The following ZBTB38 variants were observed in gnomAD, a reference collection of about 807,000 sequenced individuals.
ZBTB38 encodes the protein zinc finger and BTB domain containing 38.
Under a neutral mutation model 76.8 loss-of-function variants are expected in ZBTB38, and 20 were observed. The ratio of observed to expected loss-of-function variants is 0.26; its 90% CI spans 0.18 to 0.38. ZBTB38 has a LOEUF of 0.38. ZBTB38 is among the 10% of genes least tolerant of loss of function. ZBTB38 has a pLI of 1.00. For synonymous variants in ZBTB38, 504 were observed against 544.2 expected (o/e 0.93, Z 1.03); for missense variants, 1,082 against 1,482.3 (o/e 0.73, Z 4.43).
Position 141,449,082 on chromosome 3 carries a change from T to G in ZBTB38, c.*3106T>G, listed in dbSNP as rs1352473269. ...TTCATTAACACACACGCACCAGAAT[T>G]CGACCTCATTATCCTCGTTTTATAG... On this transcript the variant is annotated 3_prime_UTR_variant, in exon 6 of 6. Coordinates refer to ENST00000321464, the MANE Select transcript of ZBTB38 (RefSeq NM_001376113.1). 6.6e-6 allele frequency: 1 copy of G among 152,204 alleles called. No homozygotes were observed. The highest frequency in any genetic ancestry group is 1.5e-5 in the Non-Finnish European group (1 of 68,042). 9.4% of individuals were successfully genotyped at this position (152,204 alleles called of 1,614,324 possible). A position where few individuals can be genotyped will look rare whatever the true frequency, so the allele number is the denominator to read the frequency against.
chr3:141,355,591 C>G (rs1312835224), intron 1 of ZBTB38, among the ~76,000 whole-genome samples: 1 of 152,104 alleles, frequency 6.6e-6, no homozygotes, highest in African/African-American at 2.4e-5. Flanking sequence ...TCAGAGCGTA[C>G]AGTGTGCAGC....
In ZBTB38 at chr3:141,442,424, C is replaced by T. The variant is rs773460161; in HGVS notation, c.36C>T (p.Asp12=). The change falls in exon 6 of 6, where the codon GAC becomes GAT. Residue 12 remains aspartate (D), a synonymous_variant. Coordinates refer to ENST00000321464, the MANE Select transcript of ZBTB38 (RefSeq NM_001376113.1). The surrounding 1 kb of genome is among the most constrained non-coding windows in gnomAD (Gnocchi z 6.4). ...TGTCCCTTTCCAGGGACCTCAAGGA[C>T]GACTTTCACAGTGACACGGTACTCT... The part of the protein sequence containing the change: ...TVMSLSRDLK[D]DFHSDTVLSI... The T allele has an allele frequency of 7.7e-5, 125 of 1,613,786 alleles. 1 individual carries two copies. The Middle Eastern group carries it at 9.9e-4, about 13-fold the overall frequency.
At chr3:141,371,166 C>A (rs1458052309) in intron 2 of ZBTB38, among the ~76,000 whole-genome samples, 1 of 147,158 alleles carries the variant, frequency 6.8e-6, no homozygotes. Context: ...GATTCTACTG[C>A]CTCAGCCTCC....
intron 1 of ZBTB38, among the ~76,000 whole-genome samples, chr3:141,344,972 G>A (rs1306927969): frequency 6.6e-6 from 1 of 152,228 alleles, no homozygotes; most frequent in Admixed American, 6.5e-5. Flanking sequence ...AAGTCCTGCT[G>A]TTAATCCTAG....
intron 1 of ZBTB38, among the ~76,000 whole-genome samples, chr3:141,360,376 C>T (rs1943785868): frequency 6.6e-6 from 1 of 152,172 alleles, no homozygotes. Context: ...ACGTCTTAAG[C>T]TTTGCCATCA....
chr3:141,392,939 C>T (rs1487547749), intron 4 of ZBTB38: 5 of 152,196 alleles, frequency 3.3e-5, no homozygotes, highest in Non-Finnish European at 7.3e-5. Context: ...CTGCCTTAGC[C>T]TAAATGTCTC....
In ZBTB38 at chr3:141,445,719, A is replaced by C; in HGVS notation, c.3331A>C (p.Asn1111His). ...ATTTTTGTATCTCTCCACCAAAAGG[A>C]ATCACGAGCAGAGGCATATTCGGGA... Reference protein sequence around the residue: ...QRFLYLSTKRNHEQRHIREHN... With the variant: ...QRFLYLSTKRHHEQRHIREHN... The change falls in exon 6 of 6, where the codon AAT becomes CAT. Residue 1111 changes from asparagine (N) to histidine (H), a missense_variant. Around this residue, in one of 8 missense-constraint regions of ZBTB38, gnomAD observed 69 missense variants for 148.2 expected, o/e 0.47. Coordinates refer to ENST00000321464, the MANE Select transcript of ZBTB38 (RefSeq NM_001376113.1). This position sits in a 1 kb window ranked among gnomAD's most constrained non-coding sequence, Gnocchi z 6.5. 6.2e-7 allele frequency: 1 copy of C among 1,614,228 alleles called. No individual in the cohort carries two copies. The highest frequency in any genetic ancestry group is 8.5e-7 in the Non-Finnish European group (1 of 1,180,046).
intron 1 of ZBTB38, among the ~76,000 whole-genome samples, chr3:141,330,726 G>C (rs1466172567): frequency 6.6e-6 from 1 of 152,232 alleles, no homozygotes; most frequent in Non-Finnish European, 1.5e-5. Context: ...ATTGAATCAT[G>C]AGGGCTCTGC....
intron 4 of ZBTB38, among the ~76,000 whole-genome samples, chr3:141,400,702 GCTTACATAA>G (rs1259593752): frequency 6.6e-6 from 1 of 152,216 alleles, no homozygotes; most frequent in African/African-American, 2.4e-5. Flanking sequence ...ATCATAGCGT[GCTTACATAA>G]TACCAGGTAC....
chr3:141,429,416 G>A (rs768093417), intron 5 of ZBTB38, among the ~76,000 whole-genome samples: 2 of 152,174 alleles, frequency 1.3e-5, no homozygotes, highest in African/African-American at 2.4e-5. Context: ...TTTGGGGATC[G>A]TGAGTGCAGG....
rs1491533380 is a variant in ZBTB38, at chr3:141,340,945, A to AAGAAAAGAAAAGAAAAGAAAAGAAAGAAG, written c.-739+16489_-739+16490insAGAAAAGAAAAGAAAAGAAAAGAAAGAAG. ...GAAAGGAAAAAAGAAAAGAAAAGAA[A>AAGAAAAGAAAAGAAAAGAAAAGAAAGAAG]GAAGGAAAGAAAGAAAGAAAGAAAG... is the stretch of plus-strand genomic sequence containing the variant. On this transcript the variant is annotated intron_variant, in intron 1 of 7. Coordinates refer to the ZBTB38 transcript ENST00000509842. 1.0e-3 allele frequency among the ~76,000 whole-genome samples: 77 copies of AAGAAAAGAAAAGAAAAGAAAAGAAAGAAG among 76,038 alleles called. 2 individuals carry two copies. Among genetic ancestry groups the AAGAAAAGAAAAGAAAAGAAAAGAAAGAAG allele is most frequent in the African/African-American group, 5.2e-3 (76 of 14,512 alleles). 49.9% of individuals were successfully genotyped at this position (76,038 alleles called of 152,430 possible).
intron 3 of ZBTB38, among the ~76,000 whole-genome samples, chr3:141,385,234 T>A (rs1377855985): frequency 2.0e-5 from 3 of 149,976 alleles, no homozygotes; most frequent in African/African-American, 7.4e-5. Context: ...AATAGGCAAT[T>A]AAAGACTTTT....
rs1231496542 is a variant in ZBTB38 at position 141,443,836 on chromosome 3, C to G, written c.1448C>G (p.Ser483Cys). 6.2e-7 allele frequency: 1 copy of G among 1,613,976 alleles called. No homozygotes were observed. The highest frequency in any genetic ancestry group is 8.5e-7 in the Non-Finnish European group (1 of 1,180,028). ...SSLRRHANVHSWRRTYPCHYC... is the reference protein window; with the variant it reads ...SSLRRHANVHCWRRTYPCHYC... ...CTCCGAAGACATGCAAATGTTCACTCCTGGAGAAGAACATATCCTTGCCAT... is the reference window on the plus strand; with the variant it reads ...CTCCGAAGACATGCAAATGTTCACTGCTGGAGAAGAACATATCCTTGCCAT... The change falls in exon 6 of 6, where the codon TCC (serine) becomes TGC (cysteine). Residue 483 changes from serine (S) to cysteine (C), a missense_variant. Physicochemically the swap from Ser to Cys is moderately radical, Grantham distance 112 (BLOSUM62 -1). Around this residue, in one of 8 missense-constraint regions of ZBTB38, gnomAD observed 60 missense variants for 126.0 expected, o/e 0.48. Transcript: ENST00000321464. The surrounding 1 kb of genome is among the most constrained non-coding windows in gnomAD (Gnocchi z 5.6).
At chr3:141,423,881 T>C (rs765654740) in intron 5 of ZBTB38, among the ~76,000 whole-genome samples, 1 of 152,158 alleles carries the variant, frequency 6.6e-6, no homozygotes, top group Non-Finnish European at 1.5e-5. Context: ...ACCAAACTGA[T>C]ATGTTATTAA....
intron 5 of ZBTB38, among the ~76,000 whole-genome samples, chr3:141,409,825 G>C (rs1233983467): frequency 6.6e-6 from 1 of 152,184 alleles, no homozygotes; most frequent in Non-Finnish European, 1.5e-5. Context: ...GTTTAAAACT[G>C]CTCCTTGGGG....
Position 141,447,453 on chromosome 3 carries a change from C to T in ZBTB38, c.*1477C>T, listed in dbSNP as rs2081183566. 1 of 152,572 alleles carries T rather than the reference C, an allele frequency of 6.6e-6. No homozygotes were observed. The highest frequency in any genetic ancestry group is 1.5e-5 in the Non-Finnish European group (1 of 68,030). The allele number at this position is 152,572 out of a possible 1,614,324, so 9.5% of individuals were successfully genotyped here. A position where few individuals can be genotyped will look rare whatever the true frequency, so the allele number is the denominator to read the frequency against. On this transcript the variant is annotated 3_prime_UTR_variant, in exon 6 of 6. Coordinates refer to ENST00000321464, the MANE Select transcript of ZBTB38 (RefSeq NM_001376113.1). ...CAACACTACCCTCAAATCTAATTGC[C>T]CTACAGCATATTCTATCATGTGGAC...
chr3:141,353,547 G>T (rs2148939095), intron 1 of ZBTB38, among the ~76,000 whole-genome samples: 1 of 152,198 alleles, frequency 6.6e-6, no homozygotes, highest in Non-Finnish European at 1.5e-5. Flanking sequence ...GAGGGAAAGG[G>T]CATTGGGAAG....
intron 3 of ZBTB38, among the ~76,000 whole-genome samples, chr3:141,383,998 T>C (rs944463753): frequency 3.3e-5 from 5 of 152,204 alleles, no homozygotes; most frequent in Admixed American, 6.5e-5. Context: ...ATGGGCATGG[T>C]TTTCTGAAAG....
chr3:141,436,572 A>T (rs1278951815), intron 5 of ZBTB38, among the ~76,000 whole-genome samples: 1 of 152,086 alleles, frequency 6.6e-6, no homozygotes, highest in East Asian at 1.9e-4. Context: ...ATCTCGGCTC[A>T]CTGCAACCTC....
Sources: gnomAD v4.1 joint callset for allele counts (sites outside exome capture counted in the v4.1 genomes callset) on GRCh38, gnomAD v4.1.1 for gene constraint, gnomAD v4.1.1 regional missense constraint, Gnocchi (gnomAD v3.1) non-coding constraint, MANE v1.5 for transcripts, NCBI Gene and HGNC (gene_info 2026-07-23, HGNC 2026-07-21) for gene names.